Variants in NCKAP5 observed in about 807,000 individuals in gnomAD.
The protein encoded by NCKAP5 is NCK associated protein 5.
NCKAP5 carries 92 observed loss-of-function variants against 167.0 expected under a neutral mutation model. The ratio of observed to expected loss-of-function variants is 0.55; its 90% CI spans 0.47 to 0.66. The LOEUF (loss-of-function observed/expected upper bound fraction) is 0.66, where lower values mean the gene tolerates loss of function less well. Ranked by LOEUF, NCKAP5 falls within the 30% of genes least tolerant of loss-of-function variation. The pLI is 0.00. For missense variants in NCKAP5, 2,378 were observed against 2,315.0 expected (o/e 1.03, Z -0.56); for synonymous variants, 891 against 877.4 (o/e 1.02, Z -0.27).
intron 5 of NCKAP5, among the ~76,000 whole-genome samples, chr2:133,175,587 T>C (rs914877275): frequency 6.6e-6 from 1 of 152,206 alleles, no homozygotes; most frequent in African/African-American, 2.4e-5. Flanking sequence ...TTTCTGAGAA[T>C]TGCTTTAATA....
At chr2:133,558,839 C>T (rs1398820221) in intron 2 of NCKAP5, among the ~76,000 whole-genome samples, 1 of 150,226 alleles carries the variant, frequency 6.7e-6, no homozygotes, top group African/African-American at 2.4e-5. Flanking sequence ...TGCCAAAATA[C>T]TGAGTAAAGG....
intron 4 of NCKAP5, among the ~76,000 whole-genome samples, chr2:133,288,629 C>T (rs1199894918): frequency 6.6e-6 from 1 of 150,892 alleles, no homozygotes; most frequent in Non-Finnish European, 1.5e-5. Context: ...AAACATTATT[C>T]AATAGAATAA....
intron 8 of NCKAP5, among the ~76,000 whole-genome samples, chr2:132,885,424 A>G (rs947861632): frequency 1.3e-4 from 20 of 152,344 alleles, no homozygotes; most frequent in African/African-American, 4.6e-4. Context: ...AGAGCATTCA[A>G]GTAAATGTAA....
At position 132,702,237 on chromosome 2, in the gene NCKAP5, A is replaced by G. The variant is rs1228573746; in HGVS notation, c.5713+23390T>C. Among the ~76,000 whole-genome samples, 5 of 152,160 alleles carry G rather than the reference A, an allele frequency of 3.3e-5. 1 individual carries two copies. The highest frequency in any genetic ancestry group is 4.1e-4 in the South Asian group (2 of 4,820). ...GGTGGAGGTAAGACATTCTCCACTG[A>G]GCTCCCGTCCACTGTCACTTTGGAA... is the stretch of plus-strand genomic sequence containing the variant. On this transcript the variant is annotated intron_variant, in intron 19 of 19. Coordinates refer to ENST00000409261, the MANE Select transcript of NCKAP5 (RefSeq NM_207363.3).
intron 3 of NCKAP5, among the ~76,000 whole-genome samples, chr2:133,310,627 G>A (rs747060341): frequency 1.3e-4 from 20 of 152,196 alleles, no homozygotes; most frequent in Non-Finnish European, 2.2e-4. Context: ...CCAATCCTGT[G>A]AGTCTGGCTA....
intron 3 of NCKAP5, among the ~76,000 whole-genome samples, chr2:133,333,615 G>T (rs1009207429): frequency 2.6e-5 from 4 of 152,148 alleles, no homozygotes; most frequent in African/African-American, 9.7e-5. Flanking sequence ...ATTGAGAGTG[G>T]TGACAATCTA....
Position 133,412,085 on chromosome 2 carries a change from C to T in NCKAP5, c.69+105373G>A, listed in dbSNP as rs192756854. On this transcript the variant is annotated intron_variant, in intron 3 of 19. Transcript: ENST00000409261. ...GTCACTGCTTTGGAGTGAATGCCTA[C>T]GTACTCCCCGGATTTTATATGTTGA... 2.3e-3 allele frequency among the ~76,000 whole-genome samples: 356 copies of T among 152,274 alleles called. 1 individual carries two copies. The highest frequency in any genetic ancestry group is 4.3e-3 in the Non-Finnish European group (290 of 68,024).
At chr2:132,851,316 T>G (rs763404871) in intron 11 of NCKAP5, among the ~76,000 whole-genome samples, 9 of 152,162 alleles carry the variant, frequency 5.9e-5, no homozygotes, top group Non-Finnish European at 1.3e-4. Context: ...AAGTGGGGTG[T>G]GTCTTTTTGC....
At chr2:133,050,047 C>T (rs932477081) in intron 6 of NCKAP5, among the ~76,000 whole-genome samples, 1 of 152,194 alleles carries the variant, frequency 6.6e-6, no homozygotes, top group Non-Finnish European at 1.5e-5. Context: ...TCATCACCTA[C>T]CATGCTGGCC....
chr2:133,009,996 G>A (rs1176856493), intron 6 of NCKAP5, among the ~76,000 whole-genome samples: 12 of 151,962 alleles, frequency 7.9e-5, no homozygotes, highest in Admixed American at 2.0e-4. Flanking sequence ...GCGTGAACCC[G>A]GGAGGCAGAG....
At chr2:132,940,820 G>A (rs1454638843) in intron 8 of NCKAP5, among the ~76,000 whole-genome samples, 1 of 151,554 alleles carries the variant, frequency 6.6e-6, no homozygotes, top group Non-Finnish European at 1.5e-5. Context: ...ATTTTGCCAT[G>A]GAAGAGAGGT....
At position 132,784,075 on chromosome 2, in the gene NCKAP5, C is replaced by A; in HGVS notation, c.2736G>T (p.Arg912Ser). 1 of 1,521,680 alleles carries A rather than the reference C, an allele frequency of 6.6e-7. No individual in the cohort carries two copies. The highest frequency in any genetic ancestry group is 1.4e-5 in the African/African-American group (1 of 71,866). The allele number at this position is 1,521,680 out of a possible 1,614,324, so 94.3% of individuals were successfully genotyped here. A position where few individuals can be genotyped will look rare whatever the true frequency, so the allele number is the denominator to read the frequency against. The change falls in exon 14 of 20, where the codon AGG (arginine) becomes AGT (serine). Residue 912 changes from arginine to serine, a missense_variant. Transcript: ENST00000409261. ...CCGGCCCAGAGCCACAGTGTTCATC[C>A]CTCGTGGGGGGCTCTCCACTGTCAC... ...ESSDSGEPPT[R>S]DEHCGSGPEA...
At chr2:133,555,883 A>C (rs984340138) in intron 2 of NCKAP5, among the ~76,000 whole-genome samples, 1 of 152,264 alleles carries the variant, frequency 6.6e-6, no homozygotes. Flanking sequence ...CCAAATGCCC[A>C]TCCATAGTAG....
At chr2:132,750,652 T>A (rs1264207117) in intron 16 of NCKAP5, among the ~76,000 whole-genome samples, 1 of 152,176 alleles carries the variant, frequency 6.6e-6, no homozygotes, top group Non-Finnish European at 1.5e-5. Context: ...GGAGGCCACA[T>A]TAGAAATATC....
At chr2:133,396,946 T>C (rs1438471486) in intron 3 of NCKAP5, among the ~76,000 whole-genome samples, 2 of 152,234 alleles carry the variant, frequency 1.3e-5, no homozygotes, top group South Asian at 2.1e-4. Flanking sequence ...CTGCGTGAGA[T>C]AGAGATAAAA....
intron 13 of NCKAP5, among the ~76,000 whole-genome samples, chr2:132,789,647 T>C (rs1055168013): frequency 6.6e-5 from 10 of 152,162 alleles, no homozygotes; most frequent in Non-Finnish European, 5.9e-5. Context: ...CTTACATCAG[T>C]GTACAAAGAC....
At chr2:133,436,505 A>T (rs1690489470) in intron 3 of NCKAP5, among the ~76,000 whole-genome samples, 1 of 152,140 alleles carries the variant, frequency 6.6e-6, no homozygotes, top group African/African-American at 2.4e-5. Flanking sequence ...ACGGACCACA[A>T]TCTAGAAAAT....
At chr2:133,039,358 A>G (rs1196199178) in intron 6 of NCKAP5, among the ~76,000 whole-genome samples, 2 of 152,230 alleles carry the variant, frequency 1.3e-5, no homozygotes, top group Non-Finnish European at 1.5e-5. Flanking sequence ...ACAAATCAAG[A>G]TAACTTCTAG....
chr2:133,018,244 A>G lies in NCKAP5; in HGVS notation c.342-24005T>C, dbSNP rs917259710. ...GGTTCTATGCAATGAGCGCCTAGCA[A>G]TCGGGTTGTCTTAGGAAGCCACGTA... is the stretch of plus-strand genomic sequence containing the variant. On this transcript the variant is annotated intron_variant, in intron 6 of 19. Transcript: ENST00000409261. Among the ~76,000 whole-genome samples, 4 of 152,238 alleles carry G rather than the reference A, an allele frequency of 2.6e-5. No individual in the cohort carries two copies. In the East Asian group the frequency reaches 7.7e-4, roughly 29 times the overall value.
Sources: allele counts gnomAD v4.1 joint callset (sites outside exome capture counted in the v4.1 genomes callset), GRCh38; gene constraint gnomAD v4.1.1; transcripts MANE v1.5; gene names NCBI Gene and HGNC (gene_info 2026-07-23, HGNC 2026-07-21).